SCPPPQ1: variants seen among roughly 807,000 people sequenced by gnomAD.
The protein encoded by SCPPPQ1 is secretory calcium-binding phosphoprotein proline- and glutamine-rich 1.
At chr4:87,470,947 G>T in the SCPPPQ1 span, among the ~76,000 whole-genome samples, 1 of 151,962 alleles carries the variant, frequency 6.6e-6, no homozygotes, top group African/African-American at 2.4e-5. Context: ...CCCAATACAA[G>T]AATATGTTAC....
At chr4:87,465,555 TCTA>T in the SCPPPQ1 span, among the ~76,000 whole-genome samples, 2 of 37,682 alleles carry the variant, frequency 5.3e-5, no homozygotes, top group East Asian at 1.3e-3. Flanking sequence ...GGAATAGAAA[TCTA>T]CAAAAAAAAA....
At chr4:87,461,062 T>C in the SCPPPQ1 span, 6 of 152,758 alleles carry the variant, frequency 3.9e-5, no homozygotes, top group Non-Finnish European at 8.8e-5. Flanking sequence ...TAGGTAATAT[T>C]CCCTTCATAC....
the SCPPPQ1 span, among the ~76,000 whole-genome samples, chr4:87,463,882 G>T: frequency 1.3e-5 from 2 of 152,302 alleles, no homozygotes; most frequent in Middle Eastern, 6.8e-3. Flanking sequence ...TTGTTTTGTA[G>T]CATCCACATG....
chr4:87,463,655 T>C, the SCPPPQ1 span, among the ~76,000 whole-genome samples: 2 of 152,316 alleles, frequency 1.3e-5, no homozygotes, highest in South Asian at 4.1e-4. Flanking sequence ...CACAGAAATA[T>C]TTTCTTTCTA....
At chr4:87,466,069 AG>A in the SCPPPQ1 span, among the ~76,000 whole-genome samples, 1 of 152,174 alleles carries the variant, frequency 6.6e-6, no homozygotes, top group African/African-American at 2.4e-5. Flanking sequence ...TTATAAACCA[AG>A]ACTCCAAGAT....
At chr4:87,463,108 CT>C in the SCPPPQ1 span, among the ~76,000 whole-genome samples, 2 of 151,202 alleles carry the variant, frequency 1.3e-5, no homozygotes, top group Non-Finnish European at 2.9e-5. Context: ...TAAAAAATAC[CT>C]TTTTAGACTG....
the SCPPPQ1 span, among the ~76,000 whole-genome samples, chr4:87,470,431 T>A: frequency 1.3e-5 from 2 of 152,210 alleles, no homozygotes; most frequent in Non-Finnish European, 2.9e-5. Flanking sequence ...TGGTTGCTGT[T>A]ATTGCCAGTT....
the SCPPPQ1 span, among the ~76,000 whole-genome samples, chr4:87,468,505 C>T: frequency 3.9e-5 from 6 of 152,266 alleles, no homozygotes; most frequent in African/African-American, 1.4e-4. Flanking sequence ...CATATTCAGA[C>T]TAGTAAACCC....
the SCPPPQ1 span, among the ~76,000 whole-genome samples, chr4:87,464,547 G>A: frequency 3.3e-5 from 5 of 152,042 alleles, no homozygotes; most frequent in Admixed American, 6.6e-5. Context: ...TCCTATAATC[G>A]TAATAGGAGT....
At chr4:87,462,154 T>C in the SCPPPQ1 span, 2 of 152,208 alleles carry the variant, frequency 1.3e-5, no homozygotes, top group African/African-American at 4.8e-5. Flanking sequence ...AGGTGGAAAA[T>C]AATGTGGAAC....
At chr4:87,463,200 ACT>A in the SCPPPQ1 span, among the ~76,000 whole-genome samples, 1 of 151,828 alleles carries the variant, frequency 6.6e-6, no homozygotes, top group African/African-American at 2.4e-5. Context: ...GTTGAGGTTG[ACT>A]CTCATATTTT....
the SCPPPQ1 span, among the ~76,000 whole-genome samples, chr4:87,462,944 A>G: frequency 6.7e-6 from 1 of 149,108 alleles, no homozygotes; most frequent in Non-Finnish European, 1.5e-5. Context: ...GGTTGCAGTG[A>G]GCCGAGATCA....
the SCPPPQ1 span, among the ~76,000 whole-genome samples, chr4:87,465,445 A>T: frequency 6.6e-6 from 1 of 151,958 alleles, no homozygotes; most frequent in Non-Finnish European, 1.5e-5. Context: ...CCCCAATTAA[A>T]TCTAAAGAAT....
the SCPPPQ1 span, among the ~76,000 whole-genome samples, chr4:87,464,146 T>A: frequency 6.6e-6 from 1 of 152,194 alleles, no homozygotes; most frequent in Non-Finnish European, 1.5e-5. Context: ...TTATATGGAC[T>A]TTATAGAATA....
At chr4:87,463,119 G>A in the SCPPPQ1 span, among the ~76,000 whole-genome samples, 1 of 151,806 alleles carries the variant, frequency 6.6e-6, no homozygotes, top group Non-Finnish European at 1.5e-5. Context: ...TTTTTAGACT[G>A]GCAAAAATTT....
At chr4:87,461,890 A>G in the SCPPPQ1 span, 1 of 152,252 alleles carries the variant, frequency 6.6e-6, no homozygotes, top group East Asian at 1.9e-4. Flanking sequence ...TGTGGACACA[A>G]TCAGAGGCAA....
At chr4:87,462,074 C>T in the SCPPPQ1 span, 1 of 152,176 alleles carries the variant, frequency 6.6e-6, no homozygotes, top group African/African-American at 2.4e-5. Context: ...ATTCCTTCTT[C>T]ACCCATGCCT....
At chr4:87,461,109 T>C in the SCPPPQ1 span, 1 of 152,608 alleles carries the variant, frequency 6.6e-6, no homozygotes, top group African/African-American at 2.4e-5. Flanking sequence ...TGAATGTTTT[T>C]TATTTTAGAG....
the SCPPPQ1 span, among the ~76,000 whole-genome samples, chr4:87,468,976 G>T: frequency 6.6e-6 from 1 of 152,164 alleles, no homozygotes; most frequent in Non-Finnish European, 1.5e-5. Context: ...GGACTTTAAA[G>T]GTGTGTCTGT....
Sources: gnomAD v4.1 joint callset for allele counts (sites outside exome capture counted in the v4.1 genomes callset) on GRCh38, gnomAD v4.1.1 for gene constraint, MANE v1.5 for transcripts, NCBI Gene and HGNC (gene_info 2026-07-23, HGNC 2026-07-21) for gene names.